HEXB: variants seen among roughly 807,000 people sequenced by gnomAD.
HEXB encodes the protein hexosaminidase subunit beta.
Under a neutral mutation model 71.2 loss-of-function variants are expected in HEXB, and 51 were observed. The ratio of observed to expected loss-of-function variants is 0.72; its 90% confidence interval spans 0.57 to 0.90. HEXB has a LOEUF of 0.90. HEXB is among the 40% of genes least tolerant of loss of function. The pLI is 0.00. For missense variants in HEXB, 617 were observed against 677.0 expected (o/e 0.91, Z 0.98); for synonymous variants, 266 against 249.3 (o/e 1.07, Z -0.63).
chr5:74,677,493 T>C (rs965563387), intron 1 of HEXB, among the ~76,000 whole-genome samples: 7 of 106,634 alleles, frequency 6.6e-5, no homozygotes, highest in East Asian at 3.4e-4. Context: ...TCTTCTTCTT[T>C]TTTTTTTTTT....
chr5:74,721,005 T>TTTAGTGATTCTAATTTAAGTTTC, intron 13 of HEXB, 113 bp from the exon 14 acceptor site: 4 of 972,420 alleles, frequency 4.1e-6, no homozygotes, highest in Non-Finnish European at 6.5e-6. Context: ...AATGCTGTGA[T>TTTAGTGATTCTAATTTAAGTTTC]TTAGTGATTC....
chr5:74,665,351 C>T (rs1358452582), intron 1 of HEXB, among the ~76,000 whole-genome samples: 1 of 152,052 alleles, frequency 6.6e-6, no homozygotes, highest in Non-Finnish European at 1.5e-5. Flanking sequence ...TACTTCTTTT[C>T]CTAACTTTCT....
chr5:74,646,569 CTTTT>C (rs1356916050), intron 1 of HEXB, among the ~76,000 whole-genome samples: 1 of 139,772 alleles, frequency 7.2e-6, no homozygotes. Flanking sequence ...ACAATTCATT[CTTTT>C]TTTTTTTTTT....
chr5:74,644,764 C>CTTTTTTTTTTTTTTTTTTTTTTTTT (rs3058406), intron 1 of HEXB, among the ~76,000 whole-genome samples: 2 of 72,936 alleles, frequency 2.7e-5, no homozygotes, highest in East Asian at 4.8e-4. Flanking sequence ...CTTTTTTTTC[C>CTTTTTTTTTTTTTTTTTTTTTTTTT]TTTTTTTTTT....
chr5:74,644,834 C>A (rs1189847757), intron 1 of HEXB, among the ~76,000 whole-genome samples: 2 of 123,800 alleles, frequency 1.6e-5, no homozygotes, highest in Non-Finnish European at 1.6e-5. Flanking sequence ...TGCAGTGGCG[C>A]AATCTCGGCT....
intron 4 of HEXB, 61 bp downstream of exon 4, chr5:74,696,800 G>A (rs1749123568): frequency 1.1e-6 from 1 of 910,746 alleles, no homozygotes; most frequent in Non-Finnish European, 1.8e-6. Flanking sequence ...AGAAAAAAAT[G>A]TAACCTGTTT....
At chr5:74,672,430 G>A (rs1748556855) in intron 1 of HEXB, among the ~76,000 whole-genome samples, 1 of 152,218 alleles carries the variant, frequency 6.6e-6, no homozygotes, top group African/African-American at 2.4e-5. Flanking sequence ...CTGCCTGCCT[G>A]TAAGTCCTGG....
At chr5:74,640,665 C>G (rs1255685369) in intron 1 of HEXB, 2 of 152,480 alleles carry the variant, frequency 1.3e-5, no homozygotes, top group Non-Finnish European at 2.9e-5. Context: ...CGCCAGGCGT[C>G]TGGACCGGGT....
At position 74,652,405 on chromosome 5, in the gene HEXB, A is replaced by AC. The variant is rs1748131179; in HGVS notation, c.-377+11848dup. On this transcript the variant is annotated intron_variant, in intron 1 of 13. Coordinates refer to the HEXB transcript ENST00000511181. The surrounding 1 kb of genome is among the most constrained non-coding windows in gnomAD (Gnocchi z 5.4). ...CAGCAAGCAAGCCACTCCTGAATAC[A>AC]CAGTAGCCGTTTGCCTTCATGTATT... Among the ~76,000 whole-genome samples the AC allele has an allele frequency of 6.6e-6, 1 of 152,216 alleles. No individual in the cohort carries two copies. Among genetic ancestry groups the AC allele is most frequent in the Admixed American group, 6.5e-5 (1 of 15,284 alleles).
At chr5:74,699,692 T>C (rs949096923) in intron 5 of HEXB, among the ~76,000 whole-genome samples, 11 of 152,210 alleles carry the variant, frequency 7.2e-5, no homozygotes, top group African/African-American at 2.4e-4. Context: ...TATATATTTG[T>C]ACACTTGATA....
intron 6 of HEXB, among the ~76,000 whole-genome samples, chr5:74,712,624 G>C (rs907768858): frequency 1.3e-4 from 20 of 152,146 alleles, no homozygotes; most frequent in Admixed American, 1.2e-3. Context: ...TTTTTCTCCT[G>C]TAATTGTTGT....
At chr5:74,685,102 G>A (rs946494076), upstream of HEXB, 1 of 764,038 alleles carries the variant, frequency 1.3e-6, no homozygotes, top group Non-Finnish European at 1.9e-6. Context: ...GCTGGGCGAG[G>A]ACGCTCCCGG....
intron 11 of HEXB, among the ~76,000 whole-genome samples, chr5:74,719,657 T>A (rs927810666): frequency 2.0e-5 from 3 of 152,280 alleles, no homozygotes; most frequent in Admixed American, 2.0e-4. Context: ...TAAAAAGCAT[T>A]AAGTGGCTGG....
chr5:74,650,874 T>C (rs192922098), intron 1 of HEXB, among the ~76,000 whole-genome samples: 1,818 of 135,698 alleles, frequency 0.013, 34 homozygotes, highest in African/African-American at 0.047. Flanking sequence ...TGCAGTGAGC[T>C]GGGATCACGC....
At chr5:74,701,106 C>T (rs538309561) in intron 5 of HEXB, among the ~76,000 whole-genome samples, 1 of 151,288 alleles carries the variant, frequency 6.6e-6, no homozygotes, top group East Asian at 1.9e-4. Flanking sequence ...TGGTCTTAAA[C>T]TCCTGAGCTC....
At chr5:74,662,165 T>A (rs1320207452) in intron 1 of HEXB, among the ~76,000 whole-genome samples, 1 of 137,772 alleles carries the variant, frequency 7.3e-6, no homozygotes, top group African/African-American at 3.4e-5. Flanking sequence ...GATTTTAAGC[T>A]TTTTTTTTTC....
intron 1 of HEXB, among the ~76,000 whole-genome samples, chr5:74,661,038 G>A (rs1172648366): frequency 2.0e-5 from 3 of 152,206 alleles, no homozygotes; most frequent in Non-Finnish European, 2.9e-5. Flanking sequence ...GAGATAGAGA[G>A]AGAGAGAGAG....
intron 3 of HEXB, among the ~76,000 whole-genome samples, chr5:74,694,683 G>A (rs1011858525): frequency 6.6e-6 from 1 of 152,110 alleles, no homozygotes; most frequent in Admixed American, 6.5e-5. Flanking sequence ...AAAGGCTTGG[G>A]ATTGATCATA....
chr5:74,712,017 A>G (rs1749554930), intron 6 of HEXB, among the ~76,000 whole-genome samples: 1 of 147,798 alleles, frequency 6.8e-6, no homozygotes, highest in African/African-American at 2.6e-5. Flanking sequence ...AATAGCAAAG[A>G]CTTGGAACCA....
Sources: gnomAD v4.1 joint callset for allele counts (sites outside exome capture counted in the v4.1 genomes callset) on GRCh38, gnomAD v4.1.1 for gene constraint, Gnocchi (gnomAD v3.1) non-coding constraint, MANE v1.5 for transcripts, NCBI Gene and HGNC (gene_info 2026-07-23, HGNC 2026-07-21) for gene names.